BAZ2B: variants seen among roughly 807,000 people sequenced by gnomAD.
BAZ2B encodes bromodomain adjacent to zinc finger domain protein 2B.
In BAZ2B, 91 loss-of-function variants were observed where a neutral mutation model predicts 246.0. The ratio of observed to expected loss-of-function variants is 0.37; its 90% CI spans 0.31 to 0.44. The LOEUF is 0.44. Among genes scored for constraint, BAZ2B ranks in the 20% least tolerant of loss-of-function variants. The probability of loss-of-function intolerance (pLI) is 1.00; values close to 1 mark genes in which losing one functional copy is unlikely to be tolerated. For synonymous variants in BAZ2B, 855 were observed against 860.0 expected (o/e 0.99, Z 0.10); for missense variants, 2,332 against 2,533.7 (o/e 0.92, Z 1.71).
chr2:159,569,071 A>G (rs368617030), intron 1 of BAZ2B, among the ~76,000 whole-genome samples: 9 of 152,192 alleles, frequency 5.9e-5, no homozygotes, highest in Non-Finnish European at 1.2e-4. Flanking sequence ...GATCCATTCC[A>G]TAACAAATTA....
At chr2:159,602,068 T>C (rs1692294011) in intron 1 of BAZ2B, among the ~76,000 whole-genome samples, 1 of 152,194 alleles carries the variant, frequency 6.6e-6, no homozygotes, top group South Asian at 2.1e-4. Flanking sequence ...TGGAGTCTTC[T>C]GGAAGAAAAA....
chr2:159,611,157 C>T (rs1200177951), intron 1 of BAZ2B, among the ~76,000 whole-genome samples: 4 of 151,912 alleles, frequency 2.6e-5, no homozygotes, highest in East Asian at 3.9e-4. Flanking sequence ...TGAGAATTAC[C>T]TTCCTTCTAG....
chr2:159,569,533 T>C (rs890332601), intron 1 of BAZ2B, among the ~76,000 whole-genome samples: 6 of 152,336 alleles, frequency 3.9e-5, no homozygotes, highest in Admixed American at 3.3e-4. Flanking sequence ...TATTTGCATT[T>C]TTTTGAGAGT....
intron 2 of BAZ2B, among the ~76,000 whole-genome samples, chr2:159,515,854 T>G (rs1027068089): frequency 6.6e-6 from 1 of 152,116 alleles, no homozygotes; most frequent in Non-Finnish European, 1.5e-5. Flanking sequence ...TTTGAGAATA[T>G]GTAAATAGAA....
chr2:159,618,068 C>T (rs1324344293), upstream of BAZ2B, among the ~76,000 whole-genome samples: 1 of 152,164 alleles, frequency 6.6e-6, no homozygotes, highest in Non-Finnish European at 1.5e-5. Flanking sequence ...ATTTCATTCT[C>T]AGGATTCACA....
At chr2:159,541,570 C>T (rs548831508) in intron 2 of BAZ2B, among the ~76,000 whole-genome samples, 3 of 152,182 alleles carry the variant, frequency 2.0e-5, no homozygotes, top group African/African-American at 4.8e-5. Flanking sequence ...TGAGCCACTG[C>T]GGCCAGCCAA....
chr2:159,410,239 C>G (rs2066604836), intron 14 of BAZ2B, among the ~76,000 whole-genome samples: 1 of 152,084 alleles, frequency 6.6e-6, no homozygotes, highest in African/African-American at 2.4e-5. Flanking sequence ...ACTTTTTAAC[C>G]TTCACTAGTA....
At position 159,385,263 on chromosome 2, in the gene BAZ2B, A is replaced by G; in HGVS notation, c.3578T>C (p.Leu1193Pro). 5.6e-6 allele frequency: 9 copies of G among 1,613,568 alleles called. No individual in the cohort carries two copies. The highest frequency in any genetic ancestry group is 7.6e-6 in the Non-Finnish European group (9 of 1,179,672). ...FMEAHCGQTE[L>P]TESLKTKAFQ... ...AGCTTTGGTCTTCAGACTTTCAGTA[A>G]GCTCAGTTTGTCCACAGTGGGCTTC... Residue 1193 changes from leucine to proline, a missense_variant, in exon 23 of 37, where the codon CTT becomes CCT. Coordinates refer to ENST00000392783, the MANE Select transcript of BAZ2B (RefSeq NM_013450.4).
the BAZ2B span, among the ~76,000 whole-genome samples, chr2:159,671,559 A>T: frequency 6.6e-6 from 1 of 152,214 alleles, no homozygotes; most frequent in African/African-American, 2.4e-5. Context: ...CGATTTCACC[A>T]ATTAGACAAA....
chr2:159,507,736 G>C (rs1291451908), intron 2 of BAZ2B, among the ~76,000 whole-genome samples: 1 of 151,962 alleles, frequency 6.6e-6, no homozygotes, highest in Non-Finnish European at 1.5e-5. Flanking sequence ...GGACAAAGTG[G>C]GTAAGAGTTA....
At chr2:159,628,335 G>A in the BAZ2B span, among the ~76,000 whole-genome samples, 1 of 152,100 alleles carries the variant, frequency 6.6e-6, no homozygotes, top group African/African-American at 2.4e-5. Flanking sequence ...ATTTCATATG[G>A]AACCAAAAAT....
intron 27 of BAZ2B, among the ~76,000 whole-genome samples, chr2:159,358,910 C>T (rs1559098116): frequency 6.6e-6 from 1 of 152,024 alleles, no homozygotes; most frequent in Non-Finnish European, 1.5e-5. Context: ...TCTTTGAAAC[C>T]AATGAGAACA....
chr2:159,589,548 T>C (rs1364412770), intron 1 of BAZ2B, among the ~76,000 whole-genome samples: 1 of 152,232 alleles, frequency 6.6e-6, no homozygotes, highest in Non-Finnish European at 1.5e-5. Context: ...CAGTATTTAT[T>C]ATTGTTAACA....
At chr2:159,514,165 TTTA>T (rs1265119195) in intron 2 of BAZ2B, among the ~76,000 whole-genome samples, 3 of 152,188 alleles carry the variant, frequency 2.0e-5, no homozygotes, top group Non-Finnish European at 4.4e-5. Flanking sequence ...ATGCAGTTTA[TTTA>T]TTATTATTAA....
chr2:159,590,463 C>T (rs760031766), intron 1 of BAZ2B, among the ~76,000 whole-genome samples: 3 of 151,450 alleles, frequency 2.0e-5, no homozygotes, highest in Non-Finnish European at 2.9e-5. Context: ...TGATAGTGGG[C>T]GCCTATAATC....
intron 1 of BAZ2B, among the ~76,000 whole-genome samples, chr2:159,565,417 A>G (rs923518946): frequency 1.3e-5 from 2 of 152,220 alleles, no homozygotes; most frequent in Admixed American, 6.5e-5. Flanking sequence ...TGCTGATGAC[A>G]TGATCTAGAG....
At chr2:159,411,304 G>A (rs771847353) in intron 14 of BAZ2B, among the ~76,000 whole-genome samples, 4 of 152,108 alleles carry the variant, frequency 2.6e-5, no homozygotes, top group Non-Finnish European at 5.9e-5. Context: ...GATTACATGT[G>A]TCTTTAAAGC....
intron 1 of BAZ2B, among the ~76,000 whole-genome samples, chr2:159,572,702 T>C (rs1684318904): frequency 6.6e-6 from 1 of 152,222 alleles, no homozygotes; most frequent in Non-Finnish European, 1.5e-5. Context: ...TCCATATAGA[T>C]AGTGCTTGCT....
At chr2:159,647,368 T>C in the BAZ2B span, among the ~76,000 whole-genome samples, 1 of 152,156 alleles carries the variant, frequency 6.6e-6, no homozygotes, top group Admixed American at 6.6e-5. Context: ...CCCAGCTCAA[T>C]AGTTAGGCAG....
Sources: allele counts gnomAD v4.1 joint callset (sites outside exome capture counted in the v4.1 genomes callset), GRCh38; gene constraint gnomAD v4.1.1; transcripts MANE v1.5; gene names NCBI Gene and HGNC (gene_info 2026-07-23, HGNC 2026-07-21).